SUSD4: variants seen among roughly 807,000 people sequenced by gnomAD.
The protein encoded by SUSD4 is sushi domain-containing protein 4.
In SUSD4, 41 loss-of-function variants were observed where a neutral mutation model predicts 50.5. The ratio of observed to expected loss-of-function variants is 0.81; its 90% CI spans 0.63 to 1.05. The LOEUF is 1.05. Ranked by LOEUF, SUSD4 falls within the 50% of genes least tolerant of loss-of-function variation. The probability of loss-of-function intolerance (pLI) is 0.00; values close to 1 mark genes in which losing one functional copy is unlikely to be tolerated. For missense variants in SUSD4, 580 were observed against 634.7 expected (o/e 0.91, Z 0.93); for synonymous variants, 257 against 257.3 (o/e 1.00, Z 0.01).
rs560578096 is a variant in SUSD4, at chr1:223,323,695, G to A, written c.149-31044C>T. 1.8e-4 allele frequency among the ~76,000 whole-genome samples: 28 copies of A among 152,284 alleles called. No homozygotes were observed. In the South Asian group the frequency reaches 5.4e-3, roughly 29 times the overall value. On this transcript the variant is annotated intron_variant, in intron 2 of 8. Coordinates refer to ENST00000366878, the MANE Select transcript of SUSD4 (RefSeq NM_017982.4). ...CAAGAGACCTCAAGACTGAGTCACA[G>A]TAGCTGTGAACTCCAGCCCTGAATG...
chr1:223,226,089 A>G (rs931045212), intron 7 of SUSD4, among the ~76,000 whole-genome samples: 19 of 152,202 alleles, frequency 1.2e-4, no homozygotes, highest in African/African-American at 4.3e-4. Context: ...TCTTCCAAGC[A>G]TATGTAGAAA....
At chr1:223,249,195 G>A (rs1661140808) in intron 5 of SUSD4, among the ~76,000 whole-genome samples, 1 of 152,164 alleles carries the variant, frequency 6.6e-6, no homozygotes, top group Admixed American at 6.5e-5. Context: ...GACTCCTAAA[G>A]GTAATTGGGG....
chr1:223,263,195 G>A (rs1208654681), intron 5 of SUSD4, among the ~76,000 whole-genome samples: 1 of 152,134 alleles, frequency 6.6e-6, no homozygotes, highest in Non-Finnish European at 1.5e-5. Context: ...CCAGAACTAG[G>A]GAAGAGCCCC....
rs1342721448 is a variant in SUSD4 at position 223,229,190 on chromosome 1, G to A, written c.916+7C>T. ...ATCTCCTCCAAGGGTGAGGCCTTCA[G>A]TCTTACCTGATTTGATGCAGTAGAC... On this transcript the variant is annotated splice_region_variant and intron_variant, in intron 6 of 8. Transcript: ENST00000366878. The surrounding 1 kb of genome is among the most constrained non-coding windows in gnomAD (Gnocchi z 4.7). 6.3e-7 allele frequency: 1 copy of A among 1,594,478 alleles called. No homozygotes were observed. The highest frequency in any genetic ancestry group is 8.6e-7 in the Non-Finnish European group (1 of 1,163,654).
chr1:223,286,567 T>C (rs894087183), intron 3 of SUSD4, among the ~76,000 whole-genome samples: 7 of 152,208 alleles, frequency 4.6e-5, no homozygotes, highest in Non-Finnish European at 7.3e-5. Context: ...AATGCAAATC[T>C]TAACCAGACC....
At position 223,264,791 on chromosome 1, in the gene SUSD4, T is replaced by A; in HGVS notation, c.563A>T (p.Asn188Ile). Reference protein sequence around the residue: ...QGCLRPLASSNGYVNISELQT... With the variant: ...QGCLRPLASSIGYVNISELQT... Reference sequence around the variant, plus strand: ...GAGCTCAGAGATGTTTACATAGCCATTAGAAGAGGCTAGAGGTCTCAGGCA... The same window carrying A: ...GAGCTCAGAGATGTTTACATAGCCAATAGAAGAGGCTAGAGGTCTCAGGCA... Residue 188 changes from asparagine (N) to isoleucine (I), a missense_variant, in exon 5 of 9, where the codon AAT becomes ATT. Asn to Ile is a moderately radical substitution (Grantham distance 149, BLOSUM62 -3). Transcript: ENST00000366878. 1.2e-6 allele frequency: 2 copies of A among 1,614,060 alleles called. No individual in the cohort carries two copies. Among genetic ancestry groups the A allele is most frequent in the Non-Finnish European group, 1.7e-6 (2 of 1,179,990 alleles).
In SUSD4 at chr1:223,223,253, T is replaced by C. The variant is rs771930018; in HGVS notation, c.1440A>G (p.Ala480=). 1 of 1,534,742 alleles carries C rather than the reference T, an allele frequency of 6.5e-7. No homozygotes were observed. Among genetic ancestry groups the C allele is most frequent in the South Asian group, 1.3e-5 (1 of 78,744 alleles). ...VASTSPGIDI[A]DEIPLMEEDP is the part of the protein sequence containing the mutation. The stretch of plus-strand genomic sequence containing the variant: ...GGCCCTGGGGCAAGCACTTACCATC[T>C]GCAATGTCGATGCCTGGGCTGGTGG... The change falls in exon 8 of 9, where the codon GCA becomes GCG. Residue 480 remains alanine (A), a synonymous_variant. Transcript: ENST00000366878.
intron 2 of SUSD4, among the ~76,000 whole-genome samples, chr1:223,336,314 G>A (rs1470137474): frequency 2.0e-5 from 3 of 152,122 alleles, no homozygotes; most frequent in Non-Finnish European, 2.9e-5. Flanking sequence ...AAAGAAGAAT[G>A]GGAAATGGGG....
chr1:223,224,111 G>A (rs1321760671), intron 7 of SUSD4, among the ~76,000 whole-genome samples: 1 of 152,218 alleles, frequency 6.6e-6, no homozygotes, highest in Non-Finnish European at 1.5e-5. Context: ...CACTTTGGGA[G>A]GTTTTGCTTG....
chr1:223,304,392 G>A (rs1665387644), intron 2 of SUSD4, among the ~76,000 whole-genome samples: 1 of 152,106 alleles, frequency 6.6e-6, no homozygotes, highest in African/African-American at 2.4e-5. Context: ...TGTAGCAATA[G>A]TTTCAGGGGG....
intron 2 of SUSD4, among the ~76,000 whole-genome samples, chr1:223,318,002 C>T (rs1157654824): frequency 3.3e-5 from 3 of 91,112 alleles, no homozygotes; most frequent in South Asian, 5.1e-4. Flanking sequence ...TGCTATCCCT[C>T]CCCCCTCCCC....
chr1:223,322,434 A>G (rs1666626534), intron 2 of SUSD4, among the ~76,000 whole-genome samples: 1 of 152,268 alleles, frequency 6.6e-6, no homozygotes, highest in African/African-American at 2.4e-5. Context: ...AGCATGGTAC[A>G]CAGGAAAGAC....
chr1:223,361,972 T>C (rs1270788858), intron 2 of SUSD4, among the ~76,000 whole-genome samples: 1 of 152,098 alleles, frequency 6.6e-6, no homozygotes. Context: ...TTCTCCTCCA[T>C]GAAGAGGAAG....
chr1:223,345,445 C>T (rs1667976465), intron 2 of SUSD4, among the ~76,000 whole-genome samples: 1 of 152,032 alleles, frequency 6.6e-6, no homozygotes, highest in African/African-American at 2.4e-5. Flanking sequence ...CCCTGACGCT[C>T]CCTCTGATCA....
intron 3 of SUSD4, among the ~76,000 whole-genome samples, chr1:223,284,723 G>T (rs1409844583): frequency 6.6e-6 from 1 of 152,134 alleles, no homozygotes; most frequent in Non-Finnish European, 1.5e-5. Context: ...GGATGGAACT[G>T]GGGGACATTA....
At chr1:223,322,194 A>G (rs1310364030) in intron 2 of SUSD4, among the ~76,000 whole-genome samples, 1 of 152,174 alleles carries the variant, frequency 6.6e-6, no homozygotes, top group Non-Finnish European at 1.5e-5. Context: ...AATATCTGTG[A>G]CTCCTACAGG....
intron 2 of SUSD4, among the ~76,000 whole-genome samples, chr1:223,331,821 A>C (rs747274965): frequency 6.6e-6 from 1 of 152,200 alleles, no homozygotes; most frequent in Non-Finnish European, 1.5e-5. Flanking sequence ...ATGCTAAGGA[A>C]GACGTGTGTT....
At chr1:223,326,575 G>T (rs1467111811) in intron 2 of SUSD4, among the ~76,000 whole-genome samples, 1 of 152,010 alleles carries the variant, frequency 6.6e-6, no homozygotes, top group Admixed American at 6.5e-5. Context: ...CAGAATGAAA[G>T]AAAATATTTG....
rs1572080272 is a variant in SUSD4, at chr1:223,333,010, C to G, written c.148+30268G>C. Among the ~76,000 whole-genome samples the G allele has an allele frequency of 4.6e-5, 7 of 152,292 alleles. 2 individuals carry two copies. The highest frequency in any genetic ancestry group is 4.6e-4 in the Admixed American group (7 of 15,298). On this transcript the variant is annotated intron_variant, in intron 2 of 8. Coordinates refer to ENST00000366878, the MANE Select transcript of SUSD4 (RefSeq NM_017982.4). ...CACAGTTGTCCTGGGGAAATCATGT[C>G]AGCACCAGGTGCAGGACCCTCAGAA...
Sources: allele counts gnomAD v4.1 joint callset (sites outside exome capture counted in the v4.1 genomes callset), GRCh38; gene constraint gnomAD v4.1.1; non-coding constraint Gnocchi (gnomAD v3.1); transcripts MANE v1.5; gene names NCBI Gene and HGNC (gene_info 2026-07-23, HGNC 2026-07-21).